Variants in DPH5 observed in about 807,000 individuals in gnomAD.
DPH5 encodes diphthamide biosynthesis 5, also known as diphthine methyl ester synthase.
In DPH5, 31 loss-of-function variants were observed where a neutral mutation model predicts 31.6. The observed-to-expected ratio is 0.98, with a 90% CI of 0.74 to 1.32. The LOEUF is 1.32. Ranked by LOEUF, DPH5 falls within the 40% of genes most tolerant of loss-of-function variation. The pLI is 0.00. For missense variants in DPH5, 309 were observed against 335.7 expected (o/e 0.92, Z 0.62); for synonymous variants, 120 against 115.0 (o/e 1.04, Z -0.28).
chr1:100,992,738 C>A lies in DPH5; in HGVS notation c.533G>T (p.Gly178Val). Residue 178 changes from glycine (G) to valine (V), a missense_variant and splice_region_variant, in exon 7 of 8, where the codon GGA (glycine) becomes GTA (valine). Gly to Val is a moderately radical substitution (Grantham distance 109). Coordinates refer to ENST00000370109, the MANE Select transcript of DPH5 (RefSeq NM_015958.3). ...KEQSLENLIKGRKIYEPPRYM... is the reference protein window; with the variant it reads ...KEQSLENLIKVRKIYEPPRYM... ...CCGTGGAGGTTCATAGATCTTCCTT[C>A]CCCTATAGGCAGAAAACTAGATGCC... 6.2e-7 allele frequency: 1 copy of A among 1,609,422 alleles called. No homozygotes were observed.
intron 7 of DPH5, 89 bp from the exon 8 acceptor site, chr1:100,990,720 T>C (rs1657608167): frequency 8.2e-7 from 1 of 1,221,776 alleles, no homozygotes. Flanking sequence ...CAAGTACATT[T>C]CAAGAAGCCC....
intron 3 of DPH5, among the ~76,000 whole-genome samples, chr1:101,018,700 A>G (rs558332110): frequency 6.6e-6 from 1 of 152,318 alleles, no homozygotes; most frequent in South Asian, 2.1e-4. Context: ...ATAATTGACA[A>G]TATGCTTTAT....
intron 4 of DPH5, among the ~76,000 whole-genome samples, chr1:101,009,699 A>G (rs1659493771): frequency 6.6e-6 from 1 of 152,232 alleles, no homozygotes; most frequent in Non-Finnish European, 1.5e-5. Context: ...TAAAAAATTT[A>G]TCAGATCAAG....
chr1:100,995,074 A>T, intron 6 of DPH5, 36 bp downstream of exon 6: 1 of 1,473,914 alleles, frequency 6.8e-7, no homozygotes, highest in East Asian at 2.3e-5. Flanking sequence ...TCAAGGAAAT[A>T]AAACACATGT....
In DPH5 at chr1:100,990,180, G is replaced by C; in HGVS notation, c.*228C>G. On this transcript the variant is annotated 3_prime_UTR_variant, in exon 8 of 8. Transcript: ENST00000370109. Reference sequence around the variant, plus strand: ...CACAGGGCGGCAAGAGTGAGAATGAGAGCCAGTAGGGGAAATGCCAGGCAC... The same window carrying C: ...CACAGGGCGGCAAGAGTGAGAATGACAGCCAGTAGGGGAAATGCCAGGCAC... 7.6e-6 allele frequency: 4 copies of C among 524,818 alleles called. No homozygotes were observed. Among genetic ancestry groups the C allele is most frequent in the Non-Finnish European group, 1.4e-5 (4 of 293,606 alleles). The allele number at this position is 524,818 out of a possible 1,614,324, so 32.5% of individuals were successfully genotyped here.
At chr1:101,003,139 A>G (rs956230258) in intron 4 of DPH5, among the ~76,000 whole-genome samples, 1 of 152,202 alleles carries the variant, frequency 6.6e-6, no homozygotes, top group Non-Finnish European at 1.5e-5. Flanking sequence ...AGGTCAGTGT[A>G]CAAAGACCCA....
chr1:100,993,559 A>AATAT (rs10527775), intron 6 of DPH5, among the ~76,000 whole-genome samples: 4,721 of 55,640 alleles, frequency 0.085, 444 homozygotes, highest in Non-Finnish European at 0.1. Flanking sequence ...CGAAAATATA[A>AATAT]ATATATATAT....
chr1:101,006,950 A>G (rs1380569934), intron 4 of DPH5, among the ~76,000 whole-genome samples: 1 of 152,198 alleles, frequency 6.6e-6, no homozygotes, highest in Non-Finnish European at 1.5e-5. Context: ...TTTATCTGAA[A>G]TCATTGCTAC....
chr1:101,016,022 A>T (rs1660049334), intron 3 of DPH5, among the ~76,000 whole-genome samples: 1 of 152,204 alleles, frequency 6.6e-6, no homozygotes, highest in African/African-American at 2.4e-5. Context: ...CTACCTTATC[A>T]TTAGAGCATT....
intron 3 of DPH5, 39 bp downstream of exon 3, chr1:101,021,602 T>C (rs1443900122): frequency 6.3e-7 from 1 of 1,578,872 alleles, no homozygotes; most frequent in Non-Finnish European, 8.6e-7. Context: ...TAAAAAAAAG[T>C]AAATGAGTTA....
Position 101,001,498 on chromosome 1 carries a change from T to A in DPH5, c.459A>T (p.Arg153Ser), listed in dbSNP as rs750373354. 10 of 1,613,738 alleles carry A rather than the reference T, an allele frequency of 6.2e-6. No individual in the cohort carries two copies. The highest frequency in any genetic ancestry group is 5.9e-6 in the Non-Finnish European group (7 of 1,179,856). The change falls in exon 5 of 8, where the codon AGA (arginine) becomes AGT (serine). Residue 153 changes from arginine to serine, a missense_variant. Coordinates refer to ENST00000370109, the MANE Select transcript of DPH5 (RefSeq NM_015958.3). ...AACATAATGTGTGCATGCCATTTTGTCTGTTCTTCTTCACTTTGTCAAAGA... is the reference window on the plus strand; with the variant it reads ...AACATAATGTGTGCATGCCATTTTGACTGTTCTTCTTCACTTTGTCAAAGA... ...ESFFDKVKKN[R>S]QNGMHTLCLL... is the part of the protein sequence containing the mutation.
At chr1:100,991,989 T>C (rs1380483305) in intron 7 of DPH5, among the ~76,000 whole-genome samples, 1 of 151,738 alleles carries the variant, frequency 6.6e-6, no homozygotes, top group East Asian at 1.9e-4. Context: ...CATGCACTTG[T>C]AGTTCAGCTA....
intron 7 of DPH5, 64 bp from the exon 8 acceptor site, chr1:100,990,695 C>A: frequency 6.8e-7 from 1 of 1,472,862 alleles, no homozygotes; most frequent in South Asian, 1.2e-5. Context: ...AACAGTCAAA[C>A]AAACATTAGT....
At chr1:101,007,769 A>G (rs1168847014) in intron 4 of DPH5, among the ~76,000 whole-genome samples, 1 of 151,922 alleles carries the variant, frequency 6.6e-6, no homozygotes. Flanking sequence ...AAAAAAAACA[A>G]AGAAAAGTGC....
intron 4 of DPH5, among the ~76,000 whole-genome samples, chr1:101,006,782 T>C (rs1049069860): frequency 6.6e-6 from 1 of 152,150 alleles, no homozygotes; most frequent in Non-Finnish European, 1.5e-5. Context: ...GAAAGTAATA[T>C]ACATTTTTCC....
intron 5 of DPH5, 57 bp from the exon 6 acceptor site, chr1:100,995,206 A>C: frequency 8.1e-7 from 1 of 1,237,248 alleles, no homozygotes; most frequent in Non-Finnish European, 1.2e-6. Flanking sequence ...CCAAAACCCT[A>C]TGTGTAAACC....
intron 4 of DPH5, among the ~76,000 whole-genome samples, chr1:101,003,232 G>A (rs1485943507): frequency 6.6e-6 from 1 of 152,158 alleles, no homozygotes; most frequent in Admixed American, 6.6e-5. Flanking sequence ...GTTCCAATGT[G>A]GAATGCCAGG....
chr1:101,021,822 ACAC>A (rs1660473484), intron 2 of DPH5, 57 bp from the exon 3 acceptor site: 1 of 542,126 alleles, frequency 1.8e-6, no homozygotes, highest in African/African-American at 3.3e-5. Context: ...ATTCTAACAC[ACAC>A]ACACACACAC....
chr1:100,995,158 A>C lies in DPH5; in HGVS notation c.491-9T>G. ...CTCCTTTACTTTGATGTCTGTAGGA[A>C]GTAAAAATAGTTCTTTTAATTTAAT... is the stretch of plus-strand genomic sequence containing the variant. On this transcript the variant is annotated splice_polypyrimidine_tract_variant and intron_variant, in intron 5 of 7. Transcript: ENST00000370109. The C allele has an allele frequency of 1.3e-6, 2 of 1,550,410 alleles. No homozygotes were observed. Among genetic ancestry groups the C allele is most frequent in the Non-Finnish European group, 8.9e-7 (1 of 1,124,138 alleles).
Sources: gnomAD v4.1 joint callset for allele counts (sites outside exome capture counted in the v4.1 genomes callset) on GRCh38, gnomAD v4.1.1 for gene constraint, MANE v1.5 for transcripts, NCBI Gene and HGNC (gene_info 2026-07-23, HGNC 2026-07-21) for gene names.